SLC25A24: variants seen among roughly 807,000 people sequenced by gnomAD.
SLC25A24 encodes the protein solute carrier family 25 member 24.
In SLC25A24, 49 loss-of-function variants were observed where a neutral mutation model predicts 60.7. That is an observed-to-expected ratio of 0.81 (90% CI 0.64 to 1.02). SLC25A24 has a LOEUF of 1.02. Ranked by LOEUF, SLC25A24 falls within the 50% of genes least tolerant of loss-of-function variation. SLC25A24 has a pLI of 0.00. For missense variants in SLC25A24, 564 were observed against 586.3 expected, an observed-to-expected ratio of 0.96 and a Z score of 0.39; for synonymous variants, 202 against 200.6, an observed-to-expected ratio of 1.01 and a Z score of -0.06.
At position 108,157,561 on chromosome 1, in the gene SLC25A24, T is replaced by C. The variant is rs1328430937; in HGVS notation, c.570A>G (p.Lys190=). Residue 190 remains lysine (K), a synonymous_variant, in exon 5 of 10, where the codon AAA becomes AAG. Coordinates refer to ENST00000565488, the MANE Select transcript of SLC25A24 (RefSeq NM_013386.5). ...AAAGCTGCCTCCACCATTGTCCGGA[T>C]TTTTTTTCGTCTTCCGTGAATTCAT... The part of the protein sequence containing the change: ...IPDEFTEDEK[K]SGQWWRQLLA... The C allele has an allele frequency of 6.8e-6, 11 of 1,613,148 alleles. No homozygotes were observed. The highest frequency in any genetic ancestry group is 1.7e-5 in the Admixed American group (1 of 59,970).
chr1:108,192,766 T>C (rs524504), intron 1 of SLC25A24: 1 of 1,336,254 alleles, frequency 7.5e-7, no homozygotes. Flanking sequence ...CCAAACACAA[T>C]GCACCTTCAT....
intron 1 of SLC25A24, among the ~76,000 whole-genome samples, chr1:108,186,175 G>T (rs2101641527): frequency 6.6e-6 from 1 of 152,256 alleles, no homozygotes; most frequent in South Asian, 2.1e-4. Flanking sequence ...TCAGAAAAAT[G>T]ATGCATTGAT....
chr1:108,135,089 G>GA lies in SLC25A24; in HGVS notation c.*1563dup, dbSNP rs779871979. The GA allele has an allele frequency of 5.3e-5, 8 of 152,336 alleles. No homozygotes were observed. Among genetic ancestry groups the GA allele is most frequent in the Non-Finnish European group, 2.9e-5 (2 of 67,962 alleles). 9.4% of individuals were successfully genotyped at this position (152,336 alleles called of 1,614,324 possible). ...TCCATAATTTTTACGAGTAAAAATA[G>GA]AAAGAGCTGATCATGTACCTTAATA... is the stretch of plus-strand genomic sequence containing the variant. On this transcript the variant is annotated 3_prime_UTR_variant, in exon 10 of 10. Coordinates refer to ENST00000565488, the MANE Select transcript of SLC25A24 (RefSeq NM_013386.5).
At chr1:108,138,382 T>C (rs1679346814) in intron 9 of SLC25A24, among the ~76,000 whole-genome samples, 1 of 152,082 alleles carries the variant, frequency 6.6e-6, no homozygotes, top group Non-Finnish European at 1.5e-5. Context: ...AAGAAAACAA[T>C]GGATAAGACT....
chr1:108,165,985 C>T (rs1034583226), intron 3 of SLC25A24, among the ~76,000 whole-genome samples: 1 of 152,076 alleles, frequency 6.6e-6, no homozygotes, highest in Non-Finnish European at 1.5e-5. Flanking sequence ...TTAGGGCAGG[C>T]CTGGTGGTGA....
chr1:108,185,332 T>G (rs1400038495), intron 2 of SLC25A24, among the ~76,000 whole-genome samples: 1 of 152,192 alleles, frequency 6.6e-6, no homozygotes, highest in Non-Finnish European at 1.5e-5. Context: ...AACGTTTATA[T>G]GCTATTTTTC....
intron 2 of SLC25A24, among the ~76,000 whole-genome samples, chr1:108,183,624 A>C (rs597186): frequency 0.2 from 30,465 of 152,144 alleles, 3,189 homozygotes; most frequent in Admixed American, 0.22. Context: ...AAAGCTTATC[A>C]AACGCATATA....
In SLC25A24 at chr1:108,161,445, G is replaced by A. The variant is rs563245273; in HGVS notation, c.399-152C>T. The A allele has an allele frequency of 1.2e-5, 7 of 589,582 alleles. No homozygotes were observed. The South Asian group carries it at 1.3e-4, about 11-fold the overall frequency. 36.5% of individuals were successfully genotyped at this position (589,582 alleles called of 1,614,324 possible). A position where few individuals can be genotyped will look rare whatever the true frequency, so the allele number is the denominator to read the frequency against. On this transcript the variant is annotated intron_variant, in intron 3 of 9. Coordinates refer to ENST00000565488, the MANE Select transcript of SLC25A24 (RefSeq NM_013386.5). ...TCCACAAATATAGGTTGTTGGAAAT[G>A]GCAGCAAGCATTTTATGGTCCTGTC... is the stretch of plus-strand genomic sequence containing the variant.
intron 4 of SLC25A24, among the ~76,000 whole-genome samples, chr1:108,158,818 G>A (rs55905275): frequency 0.021 from 3,250 of 151,714 alleles, 60 homozygotes; most frequent in Non-Finnish European, 0.034. Flanking sequence ...TGGCTAACAC[G>A]GTGAAACCCC....
At chr1:108,192,433 C>T in intron 1 of SLC25A24, 1 of 1,260,582 alleles carries the variant, frequency 7.9e-7, no homozygotes, top group Non-Finnish European at 1.1e-6. Flanking sequence ...CCCTCTCTGC[C>T]CAATGCCTCT....
chr1:108,152,990 G>T (rs1326123232), intron 6 of SLC25A24, among the ~76,000 whole-genome samples: 1 of 152,204 alleles, frequency 6.6e-6, no homozygotes, highest in Non-Finnish European at 1.5e-5. Flanking sequence ...GAGACAGGGA[G>T]TAGCAGAAAG....
chr1:108,159,411 A>G (rs943124006), intron 4 of SLC25A24, among the ~76,000 whole-genome samples: 1 of 152,026 alleles, frequency 6.6e-6, no homozygotes, highest in Non-Finnish European at 1.5e-5. Flanking sequence ...CTTATTCATC[A>G]AGGTGGTACT....
At chr1:108,180,963 TATA>T (rs1482869941) in intron 3 of SLC25A24, among the ~76,000 whole-genome samples, 1 of 152,240 alleles carries the variant, frequency 6.6e-6, no homozygotes, top group Non-Finnish European at 1.5e-5. Flanking sequence ...CTCACTTTCC[TATA>T]AGAATATTAC....
chr1:108,151,086 A>G (rs1325432826), intron 6 of SLC25A24, among the ~76,000 whole-genome samples: 1 of 152,024 alleles, frequency 6.6e-6, no homozygotes, highest in African/African-American at 2.4e-5. Flanking sequence ...CTGTAATCCT[A>G]ACTACTCAGG....
At chr1:108,148,532 T>A (rs1278184924) in intron 6 of SLC25A24, 146 bp from the exon 7 acceptor site, 1 of 612,780 alleles carries the variant, frequency 1.6e-6, no homozygotes, top group African/African-American at 1.8e-5. Flanking sequence ...TATGAGGTCA[T>A]GAGGATGGAG....
chr1:108,156,045 T>C (rs1045973012), intron 5 of SLC25A24, among the ~76,000 whole-genome samples: 7 of 151,712 alleles, frequency 4.6e-5, no homozygotes, highest in African/African-American at 1.7e-4. Context: ...CGGGCCCCAA[T>C]AAGAACTCTG....
chr1:108,137,461 T>C (rs1369523782), intron 9 of SLC25A24, among the ~76,000 whole-genome samples: 1 of 152,176 alleles, frequency 6.6e-6, no homozygotes, highest in African/African-American at 2.4e-5. Context: ...CCATGTGCTA[T>C]GGAGATGCAG....
intron 8 of SLC25A24, among the ~76,000 whole-genome samples, chr1:108,139,645 G>C (rs1679391376): frequency 1.3e-5 from 2 of 151,796 alleles, no homozygotes; most frequent in African/African-American, 4.8e-5. Context: ...TTGTTTTTTT[G>C]AGATGGAGTC....
In SLC25A24 at chr1:108,139,134, G is replaced by A. The variant is rs144919358; in HGVS notation, c.1173C>T (p.Cys391=). 5.0e-5 allele frequency: 80 copies of A among 1,610,398 alleles called. No individual in the cohort carries two copies. The highest frequency in any genetic ancestry group is 3.0e-4 in the Admixed American group (18 of 59,468). Residue 391 remains cysteine (C), a synonymous_variant, in exon 9 of 10, where the codon TGC becomes TGT. Transcript: ENST00000565488. ...GACCACAGGTGCTGGATAAGGCACC[G>A]CATCCCAGCAACACCATGACTCCAG... ...VNPGVMVLLG[C]GALSSTCGQL...
Sources: gnomAD v4.1 joint callset for allele counts (sites outside exome capture counted in the v4.1 genomes callset) on GRCh38, gnomAD v4.1.1 for gene constraint, MANE v1.5 for transcripts, NCBI Gene and HGNC (gene_info 2026-07-23, HGNC 2026-07-21) for gene names.